CENPX: variants seen among roughly 807,000 people sequenced by gnomAD.
CENPX encodes FANCM associated histone fold protein 2.
A neutral mutation model predicts 13.2 loss-of-function variants in CENPX; 13 were observed. The ratio of observed to expected loss-of-function variants is 0.98; its 90% CI spans 0.64 to 1.56. The LOEUF (loss-of-function observed/expected upper bound fraction) is 1.56, where lower values mean the gene tolerates loss of function less well. Ranked by LOEUF, CENPX falls within the 40% of genes most tolerant of loss-of-function variation. CENPX has a pLI of 0.00. For synonymous variants in CENPX, 66 were observed against 47.2 expected (o/e 1.40, Z -1.63); for missense variants, 138 against 107.5 (o/e 1.28, Z -1.26).
rs750334750 is a variant in CENPX, at chr17:82,019,348, G to A, written c.176C>T (p.Ala59Val). ...CACGTCCACACGGAGCGCGTCTTCT[G>A]CCTGGGCCTGCCGCACGCCGCGGAC... Reference protein sequence around the residue: ...AAVRGVRQAQAEDALRVDVDQ... With the variant: ...AAVRGVRQAQVEDALRVDVDQ... The change falls in exon 4 of 5, where the codon GCA becomes GTA. Residue 59 changes from alanine (A) to valine (V), a missense_variant. Coordinates refer to ENST00000392359, the MANE Select transcript of CENPX (RefSeq NM_001271006.2). 6.4e-6 allele frequency: 10 copies of A among 1,570,318 alleles called. No homozygotes were observed. The African/African-American group carries it at 1.2e-4, about 19-fold the overall frequency.
chr17:82,021,505 G>A (rs879391999), intron 1 of CENPX, among the ~76,000 whole-genome samples: 12 of 152,262 alleles, frequency 7.9e-5, no homozygotes, highest in Non-Finnish European at 1.6e-4. Context: ...CCCGTACATC[G>A]GCAGTGGCCT....
intron 1 of CENPX, among the ~76,000 whole-genome samples, chr17:82,022,080 C>T (rs1016133763): frequency 6.6e-6 from 1 of 152,234 alleles, no homozygotes; most frequent in Non-Finnish European, 1.5e-5. Context: ...GTGCCCCAAC[C>T]TTCAGGTAGA....
chr17:82,022,727 G>A, intron 1 of CENPX, 99 bp downstream of exon 1: 1 of 1,405,268 alleles, frequency 7.1e-7, no homozygotes, highest in Non-Finnish European at 9.7e-7. Flanking sequence ...CAAAGGCACA[G>A]GGGGCGGCGC....
chr17:82,021,720 C>T (rs1186649131), intron 1 of CENPX, among the ~76,000 whole-genome samples: 1 of 152,226 alleles, frequency 6.6e-6, no homozygotes, highest in Non-Finnish European at 1.5e-5. Flanking sequence ...GAACACATGA[C>T]CTCCTGGGGT....
At chr17:82,022,722 G>C in intron 1 of CENPX, 104 bp downstream of exon 1, 6 of 1,371,606 alleles carry the variant, frequency 4.4e-6, no homozygotes, top group Non-Finnish European at 5.0e-6. Flanking sequence ...AACCTCAAAG[G>C]CACAGGGGGC....
At chr17:82,022,771 G>C (rs1274573301) in intron 1 of CENPX, 55 bp downstream of exon 1, 29 of 1,539,032 alleles carry the variant, frequency 1.9e-5, no homozygotes, top group Non-Finnish European at 2.4e-5. Flanking sequence ...AGTGTCACGC[G>C]TGAGGTCGGG....
Position 82,019,046 on chromosome 17 carries a change from C to T in CENPX, c.*159G>A. 1.8e-6 allele frequency: 2 copies of T among 1,127,414 alleles called. No individual in the cohort carries two copies. The highest frequency in any genetic ancestry group is 2.5e-6 in the Non-Finnish European group (2 of 815,840). The allele number at this position is 1,127,414 out of a possible 1,614,324, so 69.8% of individuals were successfully genotyped here. Reference sequence around the variant, plus strand: ...GCCCGCAGTGCACTGCAGTCCTGCCCCTTCTGCACAGGCTGGAGACTCCCA... The same window carrying T: ...GCCCGCAGTGCACTGCAGTCCTGCCTCTTCTGCACAGGCTGGAGACTCCCA... On this transcript the variant is annotated 3_prime_UTR_variant, in exon 5 of 5. Coordinates refer to ENST00000392359, the MANE Select transcript of CENPX (RefSeq NM_001271006.2).
chr17:82,022,833 A>C lies in CENPX; in HGVS notation c.29T>G (p.Phe10Cys), dbSNP rs1598451698. The C allele has an allele frequency of 6.3e-7, 1 of 1,591,982 alleles. No homozygotes were observed. Among genetic ancestry groups the C allele is most frequent in the East Asian group, 2.3e-5 (1 of 44,000 alleles). The stretch of plus-strand genomic sequence containing the variant: ...CTGCCCTCCGGCCCTCACCTTCCGG[A>C]AGCCGGATCCAGCTCCTGCTCCCTC... MEGAGAGSG[F>C]RKELVSRLLH... The change falls in exon 1 of 5, where the codon TTC becomes TGC. Residue 10 changes from phenylalanine (F) to cysteine (C), a missense_variant. Physicochemically the swap from Phe to Cys is radical, Grantham distance 205 (BLOSUM62 -2). Transcript: ENST00000392359.
Position 82,019,897 on chromosome 17 carries a change from T to G in CENPX, c.49A>C (p.Arg17=). The change falls in exon 2 of 5, where the codon AGG becomes CGG. Residue 17 remains arginine, a synonymous_variant. Coordinates refer to ENST00000392359, the MANE Select transcript of CENPX (RefSeq NM_001271006.2). The part of the protein sequence containing the change: ...GSGFRKELVS[R]LLHLHFKDDK... Reference sequence around the variant, plus strand: ...TCCTTGAAGTGCAGGTGCAGCAGCCTGCTCACCAGCTCCTAGAAGGGAGGG... The same window carrying G: ...TCCTTGAAGTGCAGGTGCAGCAGCCGGCTCACCAGCTCCTAGAAGGGAGGG... 5 of 1,554,828 alleles carry G rather than the reference T, an allele frequency of 3.2e-6. No individual in the cohort carries two copies. The highest frequency in any genetic ancestry group is 4.4e-6 in the Non-Finnish European group (5 of 1,142,100).
At chr17:82,019,735 G>A (rs760598685) in intron 2 of CENPX, 41 bp from the exon 3 acceptor site, 57 of 1,548,202 alleles carry the variant, frequency 3.7e-5, no homozygotes, top group African/African-American at 1.2e-4. Context: ...CTCACCCACC[G>A]CTCTGGCTGG....
In CENPX at chr17:82,022,812, C is replaced by T; in HGVS notation, c.36+14G>A. On this transcript the variant is annotated intron_variant, in intron 1 of 4. Coordinates refer to ENST00000392359, the MANE Select transcript of CENPX (RefSeq NM_001271006.2). ...GCGTCCGCGCCTGCCTAGCCCCTGC[C>T]CTCCGGCCCTCACCTTCCGGAAGCC... The T allele has an allele frequency of 2.5e-6, 4 of 1,582,314 alleles. No individual in the cohort carries two copies. The highest frequency in any genetic ancestry group is 1.1e-5 in the South Asian group (1 of 87,184).
Position 82,019,151 on chromosome 17 carries a change from G to A in CENPX, c.*54C>T. 1.3e-6 allele frequency: 2 copies of A among 1,509,886 alleles called. No individual in the cohort carries two copies. The highest frequency in any genetic ancestry group is 1.4e-5 in the African/African-American group (1 of 71,836). 93.5% of individuals were successfully genotyped at this position (1,509,886 alleles called of 1,614,324 possible). A position where few individuals can be genotyped will look rare whatever the true frequency, so the allele number is the denominator to read the frequency against. ...AGAGGCCGCTGGAAACACAAGGCCT[G>A]CTTCTGTGGACCAGGGGCTCCTCTG... On this transcript the variant is annotated 3_prime_UTR_variant, in exon 5 of 5. Transcript: ENST00000392359.
rs758141516 is a variant in CENPX at position 82,019,198 on chromosome 17, G to T, written c.*7C>A. 1 of 1,571,634 alleles carries T rather than the reference G, an allele frequency of 6.4e-7. No homozygotes were observed. The highest frequency in any genetic ancestry group is 1.2e-5 in the South Asian group (1 of 86,798). Reference sequence around the variant, plus strand: ...TCTGGGGGTGGCCTCAGCCACGGCTGAGATCCCTAGAAGTCCAGGAGCTGT... The same window carrying T: ...TCTGGGGGTGGCCTCAGCCACGGCTTAGATCCCTAGAAGTCCAGGAGCTGT... On this transcript the variant is annotated 3_prime_UTR_variant, in exon 5 of 5. Coordinates refer to ENST00000392359, the MANE Select transcript of CENPX (RefSeq NM_001271006.2).
intron 1 of CENPX, among the ~76,000 whole-genome samples, chr17:82,022,252 G>A (rs1230173508): frequency 1.3e-5 from 2 of 152,222 alleles, no homozygotes; most frequent in Non-Finnish European, 2.9e-5. Flanking sequence ...TAGCCCTGCT[G>A]AGTCACTTAA....
At chr17:82,020,661 G>C (rs1183257479) in intron 1 of CENPX, among the ~76,000 whole-genome samples, 1 of 152,110 alleles carries the variant, frequency 6.6e-6, no homozygotes, top group African/African-American at 2.4e-5. Context: ...TGCCATGCCC[G>C]GGGTGGGGGG....
At chr17:82,022,788 C>T (rs1005016539) in intron 1 of CENPX, 38 bp downstream of exon 1, 7 of 1,554,404 alleles carry the variant, frequency 4.5e-6, no homozygotes, top group Non-Finnish European at 5.2e-6. Context: ...CGGGACGGAG[C>T]GTCCGCGCCT....
At chr17:82,019,504 C>T in intron 3 of CENPX, 123 bp from the exon 4 acceptor site, 1 of 1,520,032 alleles carries the variant, frequency 6.6e-7, no homozygotes, top group Non-Finnish European at 8.8e-7. Context: ...AACCAGGCCA[C>T]AGCACCTGAC....
intron 1 of CENPX, among the ~76,000 whole-genome samples, chr17:82,021,447 C>T (rs1438753512): frequency 6.6e-6 from 1 of 152,272 alleles, no homozygotes; most frequent in African/African-American, 2.4e-5. Flanking sequence ...GAAGACCACG[C>T]CAGAGAGTGG....
chr17:82,019,493 G>A (rs2043237110), intron 3 of CENPX, 112 bp from the exon 4 acceptor site: 6 of 1,514,872 alleles, frequency 4.0e-6, no homozygotes, highest in East Asian at 2.5e-5. Flanking sequence ...GCAGCCCCCA[G>A]AACCAGGCCA....
Sources: gnomAD v4.1 joint callset for allele counts (sites outside exome capture counted in the v4.1 genomes callset) on GRCh38, gnomAD v4.1.1 for gene constraint, MANE v1.5 for transcripts, NCBI Gene and HGNC (gene_info 2026-07-23, HGNC 2026-07-21) for gene names.